MSR1: variants seen among roughly 807,000 people sequenced by gnomAD.
The protein encoded by MSR1 is macrophage scavenger receptor 1, also known as macrophage scavenger receptor types I and II.
In MSR1, 53 loss-of-function variants were observed where a neutral mutation model predicts 47.2. The ratio of observed to expected loss-of-function variants is 1.12; its 90% CI spans 0.90 to 1.41. MSR1 has a LOEUF of 1.41. MSR1 is among the 40% of genes most tolerant of loss of function. MSR1 has a pLI of 0.00. For missense variants in MSR1, 786 were observed against 546.9 expected, an observed-to-expected ratio of 1.44 and a Z score of -4.36; for synonymous variants, 239 against 185.6, an observed-to-expected ratio of 1.29 and a Z score of -2.34.
intron 1 of MSR1, among the ~76,000 whole-genome samples, chr8:16,182,568 T>G (rs1051803309): frequency 2.6e-5 from 4 of 152,090 alleles, no homozygotes; most frequent in Non-Finnish European, 4.4e-5. Flanking sequence ...ACTTTTTTTT[T>G]TTTTAATGTT....
chr8:16,190,555 CAT>C (rs1178809837), intron 1 of MSR1, among the ~76,000 whole-genome samples: 6 of 152,052 alleles, frequency 3.9e-5, no homozygotes, highest in Non-Finnish European at 8.8e-5. Flanking sequence ...ATTATCTATT[CAT>C]ATTCACTGCT....
Position 16,140,651 on chromosome 8 carries a change from A to C in MSR1, c.1033+2907T>G, listed in dbSNP as rs966096887. 39 of 1,208,096 alleles carry C rather than the reference A, an allele frequency of 3.2e-5. No individual in the cohort carries two copies. The African/African-American group carries it at 5.7e-4, about 18-fold the overall frequency. 74.8% of individuals were successfully genotyped at this position (1,208,096 alleles called of 1,614,324 possible). A position where few individuals can be genotyped will look rare whatever the true frequency, so the allele number is the denominator to read the frequency against. On this transcript the variant is annotated intron_variant, in intron 8 of 9. Transcript: ENST00000262101. ...ACAGCAGTTCTCCTAGAACCCAATAAATTAAATTGGGTTCAAGACTCTAGG... is the reference window on the plus strand; with the variant it reads ...ACAGCAGTTCTCCTAGAACCCAATACATTAAATTGGGTTCAAGACTCTAGG...
Position 16,175,245 on chromosome 8 carries a change from C to T in MSR1, c.159G>A (p.Leu53=). The T allele has an allele frequency of 1.2e-6, 2 of 1,614,090 alleles. No homozygotes were observed. The highest frequency in any genetic ancestry group is 1.7e-6 in the Non-Finnish European group (2 of 1,179,996). ...CAAACACGAGGAGGTAAAGGGCAAT[C>T]AGTGCAGCTTTGAAGGACTTCAGTT... ...QEKLKSFKAA[L]IALYLLVFAV... Residue 53 remains leucine, a synonymous_variant, in exon 3 of 10, where the codon CTG becomes CTA. Transcript: ENST00000262101.
At chr8:16,120,193 C>A (rs1334828712) in intron 9 of MSR1, among the ~76,000 whole-genome samples, 1 of 151,720 alleles carries the variant, frequency 6.6e-6, no homozygotes, top group Non-Finnish European at 1.5e-5. Flanking sequence ...CTGGCTAACA[C>A]GGTGAAACCC....
rs1197417676 is a variant in MSR1, at chr8:16,155,118, CT to C, written c.843del (p.Gly282GlufsTer18). Reference sequence around the variant, plus strand: ...CTTTCTCCAGTGGGACCTCGATCTCCTTTTTCACCCGGGGGTCCAGGAGGAC... The same window carrying C: ...CTTTCTCCAGTGGGACCTCGATCTCCTTTTCACCCGGGGGTCCAGGAGGAC... ...IQGPPGPPGE[K>X]GDRGPTGESG... On this transcript the variant is annotated frameshift_variant, in exon 6 of 10. Coordinates refer to ENST00000262101, the MANE Select transcript of MSR1 (RefSeq NM_138715.3). LOFTEE classifies it high-confidence loss of function. The C allele has an allele frequency of 1.2e-6, 2 of 1,611,824 alleles. No homozygotes were observed. Among genetic ancestry groups the C allele is most frequent in the Non-Finnish European group, 8.5e-7 (1 of 1,178,626 alleles).
chr8:16,125,044 A>C (rs910800024), intron 8 of MSR1, among the ~76,000 whole-genome samples: 1 of 152,080 alleles, frequency 6.6e-6, no homozygotes, highest in South Asian at 2.1e-4. Context: ...ATGGAAAAAA[A>C]CCCATATGGC....
At chr8:16,175,769 T>G (rs928555946) in intron 2 of MSR1, among the ~76,000 whole-genome samples, 1 of 152,212 alleles carries the variant, frequency 6.6e-6, no homozygotes, top group African/African-American at 2.4e-5. Flanking sequence ...CTTGTTCAAT[T>G]CCTTCTCAAT....
chr8:16,151,629 A>G (rs1800862950), intron 6 of MSR1, among the ~76,000 whole-genome samples: 1 of 152,184 alleles, frequency 6.6e-6, no homozygotes, highest in Admixed American at 6.5e-5. Context: ...ACTCATGGAC[A>G]ATATAAGTAC....
At chr8:16,188,973 TATA>T in intron 1 of MSR1, among the ~76,000 whole-genome samples, 1 of 122,486 alleles carries the variant, frequency 8.2e-6, no homozygotes, top group African/African-American at 3.6e-5. Context: ...CATACATATA[TATA>T]TATATATATA....
intron 5 of MSR1, among the ~76,000 whole-genome samples, chr8:16,159,848 C>A (rs1223191131): frequency 6.6e-6 from 1 of 151,852 alleles, no homozygotes; most frequent in Non-Finnish European, 1.5e-5. Context: ...AGGCTTCATG[C>A]AAGAGGTGGC....
chr8:16,160,814 C>A (rs1363282912), intron 5 of MSR1, among the ~76,000 whole-genome samples: 2 of 151,906 alleles, frequency 1.3e-5, no homozygotes, highest in Admixed American at 1.3e-4. Flanking sequence ...GCACTTCATT[C>A]TTCCACATTT....
chr8:16,140,951 G>C (rs2117107936), intron 8 of MSR1: 6 of 1,613,756 alleles, frequency 3.7e-6, no homozygotes, highest in Non-Finnish European at 5.1e-6. Context: ...AGAGGTGAAG[G>C]GCCTTTTAAT....
chr8:16,119,379 C>G (rs947666964), intron 9 of MSR1, among the ~76,000 whole-genome samples: 1 of 152,002 alleles, frequency 6.6e-6, no homozygotes, highest in African/African-American at 2.4e-5. Context: ...GCGTGCACCA[C>G]CATGCCTGGC....
At chr8:16,173,801 A>G (rs1345517367) in intron 3 of MSR1, among the ~76,000 whole-genome samples, 1 of 152,012 alleles carries the variant, frequency 6.6e-6, no homozygotes, top group African/African-American at 2.4e-5. Context: ...GGCACCCGCC[A>G]CCACTCCTGG....
intron 8 of MSR1, among the ~76,000 whole-genome samples, chr8:16,128,536 A>G (rs1298379694): frequency 1.3e-5 from 2 of 152,018 alleles, no homozygotes; most frequent in Non-Finnish European, 2.9e-5. Context: ...AATGTCAAGA[A>G]CTCTGAGGAA....
chr8:16,138,787 T>G (rs1563147199), intron 8 of MSR1, among the ~76,000 whole-genome samples: 1 of 152,204 alleles, frequency 6.6e-6, no homozygotes, highest in East Asian at 1.9e-4. Context: ...TATTCAATGT[T>G]GCTAGCCTGC....
intron 6 of MSR1, among the ~76,000 whole-genome samples, chr8:16,154,045 CAT>C (rs1191679274): frequency 2.0e-5 from 3 of 151,734 alleles, no homozygotes; most frequent in African/African-American, 4.8e-5. Flanking sequence ...TCTATCTTCA[CAT>C]ATAATATGCC....
intron 5 of MSR1, among the ~76,000 whole-genome samples, chr8:16,163,124 A>C (rs1455431780): frequency 2.6e-5 from 4 of 152,120 alleles, no homozygotes; most frequent in Admixed American, 2.6e-4. Flanking sequence ...TATACTACAA[A>C]GTTTCTGAAA....
At chr8:16,120,858 G>A (rs1417096585) in intron 8 of MSR1, 7 of 513,892 alleles carry the variant, frequency 1.4e-5, no homozygotes, top group East Asian at 6.9e-5. Context: ...TTATATATAC[G>A]AGGACACGTC....
Sources: gnomAD v4.1 joint callset for allele counts (sites outside exome capture counted in the v4.1 genomes callset) on GRCh38, gnomAD v4.1.1 for gene constraint, MANE v1.5 for transcripts, NCBI Gene and HGNC (gene_info 2026-07-23, HGNC 2026-07-21) for gene names.